The following PHF24 variants were observed in gnomAD, a reference collection of about 807,000 sequenced individuals.
PHF24 encodes PHD finger protein 24.
A neutral mutation model predicts 42.6 loss-of-function variants in PHF24; 25 were observed. The ratio of observed to expected loss-of-function variants is 0.59; its 90% CI spans 0.43 to 0.82. PHF24 has a LOEUF of 0.82. PHF24 is among the 40% of genes least tolerant of loss of function. The pLI is 0.00. For missense variants in PHF24, 470 were observed against 538.1 expected (o/e 0.87, Z 1.25); for synonymous variants, 185 against 204.8 (o/e 0.90, Z 0.83).
the PHF24 span, among the ~76,000 whole-genome samples, chr9:34,720,665 A>G: frequency 6.6e-6 from 1 of 151,962 alleles, no homozygotes; most frequent in Non-Finnish European, 1.5e-5. Context: ...CATCCCACCC[A>G]TATAACCTCC....
the PHF24 span, among the ~76,000 whole-genome samples, chr9:34,733,873 C>T: frequency 2.0e-5 from 3 of 152,224 alleles, no homozygotes; most frequent in East Asian, 5.8e-4. Flanking sequence ...AGTTCCAATT[C>T]TTCAGGTACT....
chr9:34,734,755 C>A, the PHF24 span, among the ~76,000 whole-genome samples: 1 of 152,152 alleles, frequency 6.6e-6, no homozygotes, highest in African/African-American at 2.4e-5. Context: ...GATTCAGGGG[C>A]ACAGCCCCTG....
the PHF24 span, among the ~76,000 whole-genome samples, chr9:34,773,784 C>T: frequency 6.6e-6 from 1 of 152,044 alleles, no homozygotes; most frequent in Non-Finnish European, 1.5e-5. Context: ...AAATATTTGA[C>T]CAATATTTCT....
chr9:34,707,619 A>G, the PHF24 span, among the ~76,000 whole-genome samples: 1 of 152,172 alleles, frequency 6.6e-6, no homozygotes, highest in Admixed American at 6.5e-5. Context: ...GGATGTTAGG[A>G]TAGGTGGTAA....
At chr9:34,895,470 G>A in the PHF24 span, 1 of 397,794 alleles carries the variant, frequency 2.5e-6, no homozygotes, top group Non-Finnish European at 4.4e-6. Context: ...CTGGTGTCCA[G>A]TGAGGAGACC....
the PHF24 span, chr9:34,892,822 G>T: frequency 1.5e-6 from 1 of 679,418 alleles, no homozygotes. Context: ...AGGAATCTTG[G>T]ACGCTGTCTG....
the PHF24 span, among the ~76,000 whole-genome samples, chr9:34,812,003 G>T: frequency 6.6e-6 from 1 of 152,162 alleles, no homozygotes; most frequent in Non-Finnish European, 1.5e-5. Context: ...TTTCTCCAAA[G>T]AAGATATGCA....
At chr9:34,818,447 G>A in the PHF24 span, among the ~76,000 whole-genome samples, 78,749 of 151,944 alleles carry the variant, frequency 0.52, 21,864 homozygotes, top group Non-Finnish European at 0.62. Flanking sequence ...CTGTTTTTTC[G>A]TCTTTAACCT....
chr9:34,822,897 C>CA, the PHF24 span, among the ~76,000 whole-genome samples: 25 of 150,412 alleles, frequency 1.7e-4, no homozygotes, highest in South Asian at 6.3e-4. Context: ...CAGTAGGAAG[C>CA]AAAAAAAAAG....
the PHF24 span, among the ~76,000 whole-genome samples, chr9:34,763,794 T>C: frequency 1.3e-5 from 2 of 152,216 alleles, no homozygotes; most frequent in South Asian, 4.1e-4. Context: ...AAGGGAGTGC[T>C]TCCAGTTTTT....
intron 1 of PHF24, among the ~76,000 whole-genome samples, chr9:34,967,179 G>A (rs1213954257): frequency 2.0e-5 from 3 of 152,162 alleles, no homozygotes; most frequent in Non-Finnish European, 4.4e-5. Flanking sequence ...CCTAAGAGAA[G>A]CTTGAATAAA....
chr9:34,976,951 G>T, intron 5 of PHF24, 132 bp from the exon 6 acceptor site: 1 of 1,079,698 alleles, frequency 9.3e-7, no homozygotes. Flanking sequence ...CACTGGAAGT[G>T]CTGATGCCTC....
In PHF24 at chr9:34,976,020, A is replaced by T. The variant is rs1286327371; in HGVS notation, c.565-132A>T. On this transcript the variant is annotated intron_variant, in intron 3 of 7. Transcript: ENST00000242315. ...CCTCTCTGGGGCCTCAATCTCATTG[A>T]TTGTGAATAGGAGGCTGGGATTAGA... The T allele has an allele frequency of 4.4e-6, 3 of 678,862 alleles. No homozygotes were observed. In the East Asian group the frequency reaches 8.0e-5, roughly 18 times the overall value. The allele number at this position is 678,862 out of a possible 1,614,324, so 42.1% of individuals were successfully genotyped here. A position where few individuals can be genotyped will look rare whatever the true frequency, so the allele number is the denominator to read the frequency against.
At chr9:34,667,295 C>T in the PHF24 span, among the ~76,000 whole-genome samples, 2 of 151,982 alleles carry the variant, frequency 1.3e-5, no homozygotes, top group African/African-American at 4.8e-5. Context: ...GAATGGATAC[C>T]CCTCTTCTCT....
the PHF24 span, among the ~76,000 whole-genome samples, chr9:34,822,509 C>T: frequency 6.6e-6 from 1 of 152,058 alleles, no homozygotes; most frequent in Non-Finnish European, 1.5e-5. Context: ...TTCATACCTC[C>T]AAAAAGAGAT....
At chr9:34,884,768 G>T in the PHF24 span, among the ~76,000 whole-genome samples, 1 of 152,180 alleles carries the variant, frequency 6.6e-6, no homozygotes, top group African/African-American at 2.4e-5. Flanking sequence ...CTGGAGGGTG[G>T]CAAGAGGGTG....
chr9:34,959,835 A>G (rs1016323948), intron 1 of PHF24, among the ~76,000 whole-genome samples: 1 of 152,134 alleles, frequency 6.6e-6, no homozygotes, highest in Admixed American at 6.5e-5. Context: ...CCTGCTACCG[A>G]ATACTCGAAG....
chr9:34,697,832 T>G, the PHF24 span, among the ~76,000 whole-genome samples: 1 of 152,214 alleles, frequency 6.6e-6, no homozygotes. Context: ...CTGTGTGGCT[T>G]CTTTAATAGG....
the PHF24 span, among the ~76,000 whole-genome samples, chr9:34,760,986 C>A: frequency 7.7e-6 from 1 of 129,534 alleles, no homozygotes; most frequent in African/African-American, 2.5e-5. Context: ...AGTGAAACTC[C>A]GTGTCAAAAA....
Sources: allele counts gnomAD v4.1 joint callset (sites outside exome capture counted in the v4.1 genomes callset), GRCh38; gene constraint gnomAD v4.1.1; transcripts MANE v1.5; gene names NCBI Gene and HGNC (gene_info 2026-07-23, HGNC 2026-07-21).